Variants in DPP10 observed in about 807,000 individuals in gnomAD.
DPP10 encodes the protein inactive dipeptidyl peptidase 10.
DPP10 carries 33 observed loss-of-function variants against 120.9 expected under a neutral mutation model. The observed-to-expected ratio is 0.27, with a 90% CI of 0.21 to 0.37. The LOEUF (loss-of-function observed/expected upper bound fraction) is 0.37. Among genes scored for constraint, DPP10 ranks in the 10% least tolerant of loss-of-function variants. DPP10 has a pLI of 1.00. For synonymous variants in DPP10, 337 were observed against 326.1 expected (o/e 1.03, Z -0.36); for missense variants, 816 against 942.8 (o/e 0.87, Z 1.76).
At chr2:114,838,032 C>T (rs932814421) in intron 1 of DPP10, among the ~76,000 whole-genome samples, 3 of 152,218 alleles carry the variant, frequency 2.0e-5, no homozygotes, top group Non-Finnish European at 4.4e-5. Flanking sequence ...TACTAGGTGG[C>T]TTTTCTCCAT....
chr2:115,050,670 A>G (rs1272818007), intron 1 of DPP10, among the ~76,000 whole-genome samples: 4 of 152,204 alleles, frequency 2.6e-5, no homozygotes, highest in Admixed American at 2.6e-4. Context: ...GGCCACACGT[A>G]GGTACAGGGC....
At chr2:115,181,171 A>T (rs1469773910) in intron 1 of DPP10, among the ~76,000 whole-genome samples, 1 of 152,224 alleles carries the variant, frequency 6.6e-6, no homozygotes, top group African/African-American at 2.4e-5. Flanking sequence ...GGGTGTGAAA[A>T]TACTTAAAAT....
intron 1 of DPP10, among the ~76,000 whole-genome samples, chr2:115,169,650 A>G (rs904640089): frequency 8.5e-5 from 13 of 152,142 alleles, no homozygotes; most frequent in African/African-American, 3.1e-4. Flanking sequence ...CCCAGGAATG[A>G]TTTACTTAGA....
intron 12 of DPP10, among the ~76,000 whole-genome samples, chr2:115,764,004 T>A (rs557956121): frequency 1.3e-5 from 2 of 152,302 alleles, no homozygotes; most frequent in African/African-American, 4.8e-5. Flanking sequence ...TTTTCAAACC[T>A]TGGCTTAAAT....
chr2:115,059,073 G>A (rs1706179845), intron 1 of DPP10, among the ~76,000 whole-genome samples: 1 of 152,032 alleles, frequency 6.6e-6, no homozygotes, highest in Non-Finnish European at 1.5e-5. Flanking sequence ...CAGTCATTCC[G>A]CTGAGGGTTC....
At chr2:114,509,880 A>G (rs1282991556) in intron 1 of DPP10, among the ~76,000 whole-genome samples, 3 of 152,338 alleles carry the variant, frequency 2.0e-5, no homozygotes, top group African/African-American at 7.2e-5. Flanking sequence ...TTTCCCTCTT[A>G]AATGTTTGCC....
chr2:115,184,910 T>TAATTTA (rs776953806), intron 1 of DPP10, among the ~76,000 whole-genome samples: 12 of 152,194 alleles, frequency 7.9e-5, no homozygotes, highest in Non-Finnish European at 1.6e-4. Context: ...TAGTAATGCA[T>TAATTTA]AATGTGAGAG....
At chr2:115,649,730 A>G (rs2087583989) in intron 5 of DPP10, among the ~76,000 whole-genome samples, 1 of 152,114 alleles carries the variant, frequency 6.6e-6, no homozygotes, top group South Asian at 2.1e-4. Context: ...CAGAATGAAA[A>G]TGTGCTCCAT....
intron 1 of DPP10, among the ~76,000 whole-genome samples, chr2:114,767,649 C>A (rs571766761): frequency 6.6e-6 from 1 of 152,240 alleles, no homozygotes; most frequent in Non-Finnish European, 1.5e-5. Flanking sequence ...CCATGAGGTT[C>A]TTTTGACTAT....
intron 1 of DPP10, among the ~76,000 whole-genome samples, chr2:114,503,719 T>C (rs984411938): frequency 3.3e-5 from 5 of 152,172 alleles, no homozygotes; most frequent in African/African-American, 1.2e-4. Flanking sequence ...TGAACTCTGG[T>C]TGGGACAATC....
intron 5 of DPP10, among the ~76,000 whole-genome samples, chr2:115,633,347 C>T (rs567068977): frequency 3.9e-5 from 6 of 152,172 alleles, no homozygotes; most frequent in South Asian, 2.1e-4. Flanking sequence ...AACCAAACAC[C>T]ACATGTTCTC....
At chr2:114,976,829 C>G (rs985755761) in intron 1 of DPP10, among the ~76,000 whole-genome samples, 8 of 152,012 alleles carry the variant, frequency 5.3e-5, no homozygotes, top group African/African-American at 1.7e-4. Flanking sequence ...GAGTTTTTTC[C>G]TATGTTACTT....
intron 8 of DPP10, among the ~76,000 whole-genome samples, chr2:115,731,661 G>A (rs1433660883): frequency 6.6e-6 from 1 of 152,148 alleles, no homozygotes; most frequent in African/African-American, 2.4e-5. Flanking sequence ...TTAGTCACTA[G>A]TCTACTCTAC....
chr2:114,604,185 G>T (rs747034078), intron 1 of DPP10, among the ~76,000 whole-genome samples: 2 of 151,974 alleles, frequency 1.3e-5, no homozygotes, highest in Non-Finnish European at 2.9e-5. Flanking sequence ...ACATCCTGAA[G>T]TGTTCAGCAT....
intron 1 of DPP10, among the ~76,000 whole-genome samples, chr2:114,718,211 T>A (rs1017578198): frequency 2.0e-5 from 3 of 151,944 alleles, no homozygotes; most frequent in Admixed American, 6.6e-5. Flanking sequence ...GTAATATATA[T>A]CTCCAGTCCT....
intron 1 of DPP10, among the ~76,000 whole-genome samples, chr2:115,113,883 A>T (rs1460960692): frequency 6.6e-6 from 1 of 152,136 alleles, no homozygotes; most frequent in Non-Finnish European, 1.5e-5. Context: ...AACTGTTATA[A>T]TTGATCATAC....
At chr2:115,720,544 AC>A (rs1193826646) in intron 7 of DPP10, among the ~76,000 whole-genome samples, 3 of 152,110 alleles carry the variant, frequency 2.0e-5, no homozygotes, top group African/African-American at 7.2e-5. Flanking sequence ...TCTTATTCTT[AC>A]AATATCTCTG....
chr2:114,875,901 C>T (rs1277111655), intron 1 of DPP10, among the ~76,000 whole-genome samples: 9 of 152,012 alleles, frequency 5.9e-5, no homozygotes. Flanking sequence ...ATTTCAGCAG[C>T]ACTGTATGTT....
chr2:114,625,269 G>A (rs1000100532), intron 1 of DPP10, among the ~76,000 whole-genome samples: 1 of 151,856 alleles, frequency 6.6e-6, no homozygotes, highest in Non-Finnish European at 1.5e-5. Flanking sequence ...TTATATCTTT[G>A]AGGTGTCTTT....
Sources: allele counts gnomAD v4.1 joint callset (sites outside exome capture counted in the v4.1 genomes callset), GRCh38; gene constraint gnomAD v4.1.1; transcripts MANE v1.5; gene names NCBI Gene and HGNC (gene_info 2026-07-23, HGNC 2026-07-21).